Variants in VPS41 observed in about 807,000 individuals in gnomAD.
VPS41 encodes vacuolar protein sorting-associated protein 41 homolog.
In VPS41, 85 loss-of-function variants were observed where a neutral mutation model predicts 130.9. That is an observed-to-expected ratio of 0.65 (90% confidence interval 0.55 to 0.78). The LOEUF is 0.78. Ranked by LOEUF, VPS41 falls within the 30% of genes least tolerant of loss-of-function variation. The probability of loss-of-function intolerance (pLI) is 0.00; values close to 1 mark genes in which losing one functional copy is unlikely to be tolerated. For synonymous variants in VPS41, 335 were observed against 332.9 expected (o/e 1.01, Z -0.07); for missense variants, 874 against 1,018.7 (o/e 0.86, Z 1.93).
At chr7:38,831,402 C>A (rs936308733) in intron 4 of VPS41, 3 of 362,388 alleles carry the variant, frequency 8.3e-6, no homozygotes, top group African/African-American at 6.4e-5. Context: ...TGTTCAACGA[C>A]TACATGTGAC....
intron 4 of VPS41, among the ~76,000 whole-genome samples, chr7:38,836,560 A>ATATT (rs1315959287): frequency 6.6e-6 from 1 of 152,122 alleles, no homozygotes. Flanking sequence ...TAGGTAAAGG[A>ATATT]TATTTACCCC....
At position 38,903,478 on chromosome 7, in the gene VPS41, A is replaced by C. The variant is rs115008762; in HGVS notation, c.22-5349T>G. Among the ~76,000 whole-genome samples, 789 of 152,296 alleles carry C rather than the reference A, an allele frequency of 5.2e-3. 7 individuals carry two copies. Among genetic ancestry groups the C allele is most frequent in the African/African-American group, 0.017 (712 of 41,576 alleles). Reference sequence around the variant, plus strand: ...CCTGGGGCCTAAGGAAGGCCACTCCAAACTTTGCAGGAGGGCTCACCTGGG... The same window carrying C: ...CCTGGGGCCTAAGGAAGGCCACTCCCAACTTTGCAGGAGGGCTCACCTGGG... On this transcript the variant is annotated intron_variant, in intron 1 of 28. Transcript: ENST00000310301.
chr7:38,790,017 G>A (rs1396535687), intron 9 of VPS41, 150 bp from the exon 10 acceptor site: 2 of 693,218 alleles, frequency 2.9e-6, no homozygotes, highest in Non-Finnish European at 4.8e-6. Context: ...AGAAATTAAT[G>A]TAAATGACAT....
intron 1 of VPS41, among the ~76,000 whole-genome samples, chr7:38,900,566 A>C (rs184377007): frequency 7.6e-4 from 116 of 152,352 alleles, no homozygotes; most frequent in African/African-American, 2.5e-3. Flanking sequence ...AGAAGTCTCC[A>C]ACCAGCAATT....
intron 2 of VPS41, among the ~76,000 whole-genome samples, chr7:38,880,361 A>C (rs1786578740): frequency 6.6e-6 from 1 of 152,100 alleles, no homozygotes; most frequent in African/African-American, 2.4e-5. Context: ...ACATCATTTA[A>C]AAAAATTTTT....
intron 7 of VPS41, among the ~76,000 whole-genome samples, chr7:38,801,114 T>C (rs1784716874): frequency 6.6e-6 from 1 of 151,950 alleles, no homozygotes; most frequent in East Asian, 1.9e-4. Context: ...CTACTCTACC[T>C]CCCAAAACAA....
chr7:38,902,976 T>C (rs1263924392), intron 1 of VPS41, among the ~76,000 whole-genome samples: 2 of 152,208 alleles, frequency 1.3e-5, no homozygotes, highest in Non-Finnish European at 2.9e-5. Flanking sequence ...AGTATCCTAC[T>C]GGAAAAACAT....
chr7:38,813,773 C>A lies in VPS41; in HGVS notation c.450+4044G>T, dbSNP rs888895754. On this transcript the variant is annotated intron_variant, in intron 7 of 28. Coordinates refer to ENST00000310301, the MANE Select transcript of VPS41 (RefSeq NM_014396.4). ...AATCATTTTTAATTCAATTTTTCAC[C>A]AGATGACCTTAACTGTTTTTATTTT... Among the ~76,000 whole-genome samples the A allele has an allele frequency of 5.9e-5, 9 of 151,990 alleles. No individual in the cohort carries two copies. The South Asian group carries it at 1.9e-3, about 32-fold the overall frequency.
At chr7:38,865,494 T>C (rs1183590728) in intron 3 of VPS41, among the ~76,000 whole-genome samples, 2 of 152,096 alleles carry the variant, frequency 1.3e-5, no homozygotes, top group African/African-American at 4.8e-5. Flanking sequence ...AAAAGGGTTA[T>C]GGTATAATGA....
intron 22 of VPS41, among the ~76,000 whole-genome samples, chr7:38,747,346 T>C (rs922507807): frequency 6.6e-6 from 1 of 152,142 alleles, no homozygotes. Context: ...AAGATACAGA[T>C]AGTTTATAGT....
At chr7:38,895,106 G>C (rs1002025906) in intron 2 of VPS41, among the ~76,000 whole-genome samples, 4 of 152,196 alleles carry the variant, frequency 2.6e-5, no homozygotes, top group Non-Finnish European at 5.9e-5. Flanking sequence ...CAGATCACTT[G>C]AGGCCAGGAG....
At chr7:38,775,046 A>T (rs1784231649) in intron 11 of VPS41, 1 of 152,222 alleles carries the variant, frequency 6.6e-6, no homozygotes, top group East Asian at 1.9e-4. Context: ...CAACTATGTG[A>T]AAACATGCAT....
chr7:38,784,832 C>T lies in VPS41; in HGVS notation c.784+4969G>A, dbSNP rs544688016. ...TGCTGCTGCAAGGGCTAAAGCGCTGCAGTACACAGAACTTGCACTGCCTCT... is the reference window on the plus strand; with the variant it reads ...TGCTGCTGCAAGGGCTAAAGCGCTGTAGTACACAGAACTTGCACTGCCTCT... On this transcript the variant is annotated intron_variant, in intron 10 of 28. Transcript: ENST00000310301. 2.0e-5 allele frequency among the ~76,000 whole-genome samples: 3 copies of T among 152,312 alleles called. 1 individual carries two copies. The East Asian group carries it at 5.8e-4, about 29-fold the overall frequency.
chr7:38,895,418 G>C (rs1332222862), intron 2 of VPS41, among the ~76,000 whole-genome samples: 1 of 152,064 alleles, frequency 6.6e-6, no homozygotes, highest in Non-Finnish European at 1.5e-5. Flanking sequence ...ACTCATGATG[G>C]AGTGTTATGT....
intron 6 of VPS41, among the ~76,000 whole-genome samples, chr7:38,818,521 T>C (rs568564747): frequency 2.2e-4 from 33 of 152,330 alleles, no homozygotes; most frequent in African/African-American, 7.9e-4. Flanking sequence ...TTAAGGTTGC[T>C]CCACCACCCT....
intron 8 of VPS41, 98 bp from the exon 9 acceptor site, chr7:38,795,709 G>A: frequency 8.9e-7 from 1 of 1,117,714 alleles, no homozygotes. Context: ...AACCAGCACG[G>A]AGAAATATTA....
chr7:38,730,017 G>C (rs992830766), intron 25 of VPS41, among the ~76,000 whole-genome samples: 2 of 152,142 alleles, frequency 1.3e-5, no homozygotes, highest in African/African-American at 4.8e-5. Context: ...TGTGCCTGTG[G>C]CTTCTCCCTT....
At chr7:38,829,983 G>T (rs1415772730) in intron 5 of VPS41, among the ~76,000 whole-genome samples, 1 of 152,192 alleles carries the variant, frequency 6.6e-6, no homozygotes, top group African/African-American at 2.4e-5. Flanking sequence ...GAAGTGGCAC[G>T]GTAGTAATGA....
chr7:38,853,126 T>C (rs1397438795), intron 4 of VPS41, among the ~76,000 whole-genome samples: 2 of 152,084 alleles, frequency 1.3e-5, no homozygotes, highest in Non-Finnish European at 1.5e-5. Context: ...CCCTGTTTCA[T>C]AAGAAGAATG....
Sources: allele counts gnomAD v4.1 joint callset (sites outside exome capture counted in the v4.1 genomes callset), GRCh38; gene constraint gnomAD v4.1.1; transcripts MANE v1.5; gene names NCBI Gene and HGNC (gene_info 2026-07-23, HGNC 2026-07-21).